RTEL1: variants seen among roughly 807,000 people sequenced by gnomAD.
RTEL1 encodes regulator of telomere elongation helicase 1.
A neutral mutation model predicts 162.2 loss-of-function variants in RTEL1; 86 were observed. The ratio of observed to expected loss-of-function variants is 0.53; its 90% CI spans 0.45 to 0.63. The LOEUF (loss-of-function observed/expected upper bound fraction) is 0.63. Ranked by LOEUF, RTEL1 falls within the 30% of genes least tolerant of loss-of-function variation. The pLI, the probability that RTEL1 is intolerant of heterozygous loss-of-function variation, is 0.00. For missense variants in RTEL1, 1,941 were observed against 1,750.2 expected, an observed-to-expected ratio of 1.11 and a Z score of -1.95; for synonymous variants, 958 against 717.9, an observed-to-expected ratio of 1.33 and a Z score of -5.35.
At chr20:63,689,424 G>A in intron 22 of RTEL1, 78 bp from the exon 23 acceptor site, 1 of 1,436,460 alleles carries the variant, frequency 7.0e-7, no homozygotes, top group South Asian at 1.5e-5. Context: ...GAGCCTCGGG[G>A]AAGGTGGCTG....
At chr20:63,664,844 C>T (rs2090093207) in intron 6 of RTEL1, among the ~76,000 whole-genome samples, 1 of 152,232 alleles carries the variant, frequency 6.6e-6, no homozygotes, top group African/African-American at 2.4e-5. Flanking sequence ...TGTGAGGACT[C>T]TGGTTGGGGA....
In RTEL1 at chr20:63,672,564, A is replaced by G. The variant is rs1601115295; in HGVS notation, c.708A>G (p.Arg236=). The part of the protein sequence containing the change: ...YNYLLDAKSR[R]AHNIDLKGTV... ...TTCTCTTCCTCCTGTAGAGCCGCAGAGCACACAACATTGACCTGAAGGGGA... is the reference window on the plus strand; with the variant it reads ...TTCTCTTCCTCCTGTAGAGCCGCAGGGCACACAACATTGACCTGAAGGGGA... The change falls in exon 9 of 35, where the codon AGA becomes AGG. Residue 236 remains arginine, a synonymous_variant. Coordinates refer to ENST00000360203, the MANE Select transcript of RTEL1 (RefSeq NM_001283009.2). 1.3e-6 allele frequency: 2 copies of G among 1,581,760 alleles called. No individual in the cohort carries two copies. Among genetic ancestry groups the G allele is most frequent in the Non-Finnish European group, 8.6e-7 (1 of 1,161,652 alleles).
At chr20:63,662,730 C>T (rs957643289) in intron 5 of RTEL1, 99 bp from the exon 6 acceptor site, 20 of 1,595,864 alleles carry the variant, frequency 1.3e-5, no homozygotes, top group Non-Finnish European at 1.7e-5. Context: ...GTTTGAAGTT[C>T]ACTGGGGGAC....
intron 13 of RTEL1, 21 bp downstream of exon 13, chr20:63,679,967 T>C (rs148872298): frequency 3.8e-6 from 6 of 1,580,730 alleles, no homozygotes; most frequent in Middle Eastern, 1.7e-4. Flanking sequence ...GCACGGGGTC[T>C]TTGGTGCGGG....
At chr20:63,662,720 G>C in intron 5 of RTEL1, 93 bp downstream of exon 5, 1 of 1,600,908 alleles carries the variant, frequency 6.2e-7, no homozygotes, top group South Asian at 1.1e-5. Context: ...CTGGGCTAGG[G>C]TTTGAAGTTC....
Position 63,678,264 on chromosome 20 carries a change from A to C in RTEL1, c.959-4A>C. On this transcript the variant is annotated splice_polypyrimidine_tract_variant and splice_region_variant and intron_variant, in intron 11 of 34. Coordinates refer to ENST00000360203, the MANE Select transcript of RTEL1 (RefSeq NM_001283009.2). ...GAGGTGGGTGACACCTCCTCGACCC[A>C]CAGTGATCCTGCTGCGCCTGGAGGG... 6.2e-7 allele frequency: 1 copy of C among 1,612,282 alleles called. No homozygotes were observed. Among genetic ancestry groups the C allele is most frequent in the Non-Finnish European group, 8.5e-7 (1 of 1,178,808 alleles).
intron 9 of RTEL1, 114 bp downstream of exon 9, chr20:63,672,735 A>C: frequency 1.2e-6 from 1 of 853,542 alleles, no homozygotes; most frequent in South Asian, 1.5e-5. Flanking sequence ...CTAGGTGCCC[A>C]GGACTGGGGA....
At chr20:63,684,887 GT>G (rs368241569) in intron 14 of RTEL1, among the ~76,000 whole-genome samples, 2 of 146,858 alleles carry the variant, frequency 1.4e-5, no homozygotes, top group Non-Finnish European at 3.0e-5. Flanking sequence ...TTGAATTCCT[GT>G]TTTTTTTTTG....
chr20:63,659,506 T>TAG lies in RTEL1; in HGVS notation c.102+5_102+6dup, dbSNP rs1555899112. ...AAGGTCCTGGAATGTCTGCAGCAGG[T>TAG]AGAGCACAGGCCCCGAGGAAAGGAC... On this transcript the variant is annotated splice_region_variant and intron_variant, in intron 2 of 34. Coordinates refer to ENST00000360203, the MANE Select transcript of RTEL1 (RefSeq NM_001283009.2). The TAG allele has an allele frequency of 6.2e-7, 1 of 1,608,942 alleles. No homozygotes were observed.
chr20:63,667,320 C>A (rs7261546), intron 7 of RTEL1, 149 bp from the exon 8 acceptor site: 2 of 686,504 alleles, frequency 2.9e-6, no homozygotes, highest in Non-Finnish European at 5.4e-6. Flanking sequence ...CAGAAACTCA[C>A]GTGGACTCCC....
rs1178822970 is a variant in RTEL1, at chr20:63,661,345, G to C, written c.150G>C (p.Leu50=). 3.7e-6 allele frequency: 6 copies of C among 1,613,100 alleles called. No individual in the cohort carries two copies. The Admixed American group carries it at 6.7e-5, about 18-fold the overall frequency. The part of the protein sequence containing the change: ...LESPTGTGKT[L]CLLCTTLAWR... Reference sequence around the variant, plus strand: ...GCCCTACGGGTACAGGGAAGACGCTGTGCCTGCTGTGCACCACGCTGGCCT... The same window carrying C: ...GCCCTACGGGTACAGGGAAGACGCTCTGCCTGCTGTGCACCACGCTGGCCT... The change falls in exon 3 of 35, where the codon CTG becomes CTC. Residue 50 remains leucine (L), a synonymous_variant. Coordinates refer to ENST00000360203, the MANE Select transcript of RTEL1 (RefSeq NM_001283009.2). The surrounding 1 kb of genome is among the most constrained non-coding windows in gnomAD (Gnocchi z 5.1).
rs1024538327 is a variant in RTEL1 at position 63,680,525 on chromosome 20, C to T, written c.1136-139C>T. On this transcript the variant is annotated intron_variant, in intron 13 of 34. Coordinates refer to ENST00000360203, the MANE Select transcript of RTEL1 (RefSeq NM_001283009.2). The stretch of plus-strand genomic sequence containing the variant: ...AACTGCCCGCCCTGAATGGATGCTG[C>T]GCTCCACCCTGGGCCCCCCATTGGG... The T allele has an allele frequency of 4.6e-5, 39 of 839,162 alleles. 1 individual carries two copies. In the South Asian group the frequency reaches 5.1e-4, roughly 11 times the overall value. The allele number at this position is 839,162 out of a possible 1,614,324, so 52.0% of individuals were successfully genotyped here.
rs535722610 is a variant in RTEL1, at chr20:63,669,561, C to G, written c.699+2008C>G. Among the ~76,000 whole-genome samples, 65 of 152,376 alleles carry G rather than the reference C, an allele frequency of 4.3e-4. 1 individual carries two copies. The highest frequency in any genetic ancestry group is 3.4e-3 in the Middle Eastern group (1 of 294). Reference sequence around the variant, plus strand: ...CAGCCCTCCTCTGATTTGAAAGGACCTTTGACCAGAGTATGTAAAATTCTC... The same window carrying G: ...CAGCCCTCCTCTGATTTGAAAGGACGTTTGACCAGAGTATGTAAAATTCTC... On this transcript the variant is annotated intron_variant, in intron 8 of 34. Transcript: ENST00000360203.
At chr20:63,675,105 G>A (rs1326396069) in intron 10 of RTEL1, among the ~76,000 whole-genome samples, 1 of 152,106 alleles carries the variant, frequency 6.6e-6, no homozygotes, top group Non-Finnish European at 1.5e-5. Flanking sequence ...TGGTTTCTCC[G>A]TGTTGGCCAG....
chr20:63,662,790 G>GC, intron 5 of RTEL1, 39 bp from the exon 6 acceptor site: 1 of 1,612,388 alleles, frequency 6.2e-7, no homozygotes, highest in Non-Finnish European at 8.5e-7. Context: ...TCCTTTCTTG[G>GC]CCGTGCTTCA....
At chr20:63,689,957 C>T in intron 24 of RTEL1, 92 bp downstream of exon 24, 1 of 1,550,186 alleles carries the variant, frequency 6.5e-7, no homozygotes, top group East Asian at 2.3e-5. Context: ...GAGGCCCCGT[C>T]TCCTCCAGAG....
Position 63,693,349 on chromosome 20 carries a change from G to A in RTEL1, c.2992+66G>A. On this transcript the variant is annotated intron_variant, in intron 30 of 34. Coordinates refer to ENST00000360203, the MANE Select transcript of RTEL1 (RefSeq NM_001283009.2). ...GAAGGCAGTGTGGGCCAGAGTCCTGGGCTGCTTGGGGTGGGCATCCTCGGG... is the reference window on the plus strand; with the variant it reads ...GAAGGCAGTGTGGGCCAGAGTCCTGAGCTGCTTGGGGTGGGCATCCTCGGG... The A allele has an allele frequency of 1.6e-5, 26 of 1,587,962 alleles. 1 individual carries two copies. The South Asian group carries it at 2.9e-4, about 18-fold the overall frequency.
At position 63,666,065 on chromosome 20, in the gene RTEL1, C is replaced by T. The variant is rs771785679; in HGVS notation, c.600C>T (p.Ser200=). Residue 200 remains serine, a synonymous_variant, in exon 7 of 35, where the codon AGC becomes AGT. Coordinates refer to ENST00000360203, the MANE Select transcript of RTEL1 (RefSeq NM_001283009.2). ...PILDIEDLVK[S]GSKHRVCPYY... is the part of the protein sequence containing the mutation. ...TGGACATTGAGGACTTGGTCAAGAGCGGAAGCAAGCACAGGTGAGACCCCT... is the reference window on the plus strand; with the variant it reads ...TGGACATTGAGGACTTGGTCAAGAGTGGAAGCAAGCACAGGTGAGACCCCT... 28 of 1,613,978 alleles carry T rather than the reference C, an allele frequency of 1.7e-5. No individual in the cohort carries two copies. Among genetic ancestry groups the T allele is most frequent in the African/African-American group, 5.3e-5 (4 of 74,922 alleles).
chr20:63,696,176 A>AC lies in RTEL1; in HGVS notation c.*323dup, dbSNP rs2090976105. On this transcript the variant is annotated 3_prime_UTR_variant, in exon 35 of 35. Transcript: ENST00000360203. ...TGAGCCCCTCACCGGGAAGGAGGAG[A>AC]CCCCCGTGGGCACGTGTCCACTTTT... 1 of 452,982 alleles carries AC rather than the reference A, an allele frequency of 2.2e-6. No individual in the cohort carries two copies. Among genetic ancestry groups the AC allele is most frequent in the Non-Finnish European group, 4.0e-6 (1 of 253,140 alleles). The allele number at this position is 452,982 out of a possible 1,614,324, so 28.1% of individuals were successfully genotyped here. A position where few individuals can be genotyped will look rare whatever the true frequency, so the allele number is the denominator to read the frequency against.
Sources: gnomAD v4.1 joint callset for allele counts (sites outside exome capture counted in the v4.1 genomes callset) on GRCh38, gnomAD v4.1.1 for gene constraint, Gnocchi (gnomAD v3.1) non-coding constraint, MANE v1.5 for transcripts, NCBI Gene and HGNC (gene_info 2026-07-23, HGNC 2026-07-21) for gene names.